MYO3B: variants seen among roughly 807,000 people sequenced by gnomAD.
MYO3B encodes the protein myosin IIIB.
In MYO3B, 156 loss-of-function variants were observed where a neutral mutation model predicts 174.6. That is an observed-to-expected ratio of 0.89 (90% confidence interval 0.78 to 1.02). The LOEUF (loss-of-function observed/expected upper bound fraction) is 1.02, where lower values mean the gene tolerates loss of function less well. Ranked by LOEUF, MYO3B falls within the 50% of genes least tolerant of loss-of-function variation. MYO3B has a pLI of 0.00. For missense variants in MYO3B, 1,632 were observed against 1,639.4 expected (o/e 1.00, Z 0.08); for synonymous variants, 563 against 569.1 (o/e 0.99, Z 0.15).
Position 170,426,745 on chromosome 2 carries a change from C to T in MYO3B, c.2651-17222C>T, listed in dbSNP as rs748229606. Among the ~76,000 whole-genome samples the T allele has an allele frequency of 7.2e-5, 11 of 152,108 alleles. No individual in the cohort carries two copies. The South Asian group carries it at 1.2e-3, about 17-fold the overall frequency. ...GTAGAAATAGATACTTAGGGCCAGG[C>T]GTGGCAGCTCACACCTGTAATCCCA... On this transcript the variant is annotated intron_variant, in intron 22 of 34. Transcript: ENST00000408978.
intron 6 of MYO3B, among the ~76,000 whole-genome samples, chr2:170,226,246 G>T (rs1302792752): frequency 2.0e-5 from 3 of 152,214 alleles, no homozygotes; most frequent in Non-Finnish European, 4.4e-5. Context: ...AGAGTTAAAT[G>T]AGAGGTTTAG....
intron 6 of MYO3B, among the ~76,000 whole-genome samples, chr2:170,229,596 C>A (rs1263621413): frequency 2.0e-5 from 3 of 152,162 alleles, no homozygotes; most frequent in Non-Finnish European, 4.4e-5. Context: ...TACTATAATA[C>A]TATTTGCTTG....
intron 25 of MYO3B, among the ~76,000 whole-genome samples, chr2:170,469,246 T>A (rs770694070): frequency 2.6e-5 from 4 of 152,160 alleles, no homozygotes; most frequent in Non-Finnish European, 5.9e-5. Flanking sequence ...GTATATAACA[T>A]CTGGAAAGTA....
At chr2:170,552,241 A>C (rs1690970748) in intron 32 of MYO3B, among the ~76,000 whole-genome samples, 1 of 152,196 alleles carries the variant, frequency 6.6e-6, no homozygotes, top group South Asian at 2.1e-4. Context: ...GTTTGGAGGG[A>C]TCAGAAGACA....
At chr2:170,569,414 C>G (rs1324694438) in intron 32 of MYO3B, among the ~76,000 whole-genome samples, 1 of 152,070 alleles carries the variant, frequency 6.6e-6, no homozygotes, top group African/African-American at 2.4e-5. Flanking sequence ...CTTCTGGAAT[C>G]TGTGGACCTG....
chr2:170,606,459 A>G (rs1285113867), intron 32 of MYO3B, among the ~76,000 whole-genome samples: 1 of 152,156 alleles, frequency 6.6e-6, no homozygotes, highest in South Asian at 2.1e-4. Flanking sequence ...ATCCACCACC[A>G]TATCCATGAG....
At chr2:170,456,179 T>C (rs1575007320) in intron 23 of MYO3B, among the ~76,000 whole-genome samples, 1 of 151,792 alleles carries the variant, frequency 6.6e-6, no homozygotes, top group African/African-American at 2.4e-5. Context: ...GGTGGGGCGG[T>C]AAATGATTTT....
intron 6 of MYO3B, among the ~76,000 whole-genome samples, chr2:170,225,131 G>C (rs918226989): frequency 6.6e-6 from 1 of 152,250 alleles, no homozygotes; most frequent in Non-Finnish European, 1.5e-5. Flanking sequence ...ATAAGAGCTA[G>C]CGTTTAGCGA....
chr2:170,542,780 A>T, intron 30 of MYO3B, 126 bp from the exon 31 acceptor site: 1 of 719,608 alleles, frequency 1.4e-6, no homozygotes, highest in Non-Finnish European at 2.2e-6. Flanking sequence ...CCAAGGACTG[A>T]AATGGGAAAC....
intron 7 of MYO3B, among the ~76,000 whole-genome samples, chr2:170,240,933 A>C (rs973667985): frequency 2.2e-4 from 34 of 152,336 alleles, no homozygotes; most frequent in African/African-American, 8.2e-4. Context: ...CAAGTTTTTA[A>C]ACTAAAGAAT....
At chr2:170,230,114 A>G (rs931026205) in intron 6 of MYO3B, among the ~76,000 whole-genome samples, 5 of 151,636 alleles carry the variant, frequency 3.3e-5, no homozygotes, top group African/African-American at 1.2e-4. Flanking sequence ...ATTATACTAC[A>G]TGAATAATTA....
At chr2:170,246,492 A>G (rs895221289) in intron 7 of MYO3B, among the ~76,000 whole-genome samples, 10 of 150,874 alleles carry the variant, frequency 6.6e-5, no homozygotes, top group Admixed American at 1.3e-4. Flanking sequence ...ACCCAATGTG[A>G]CTGGTATCCT....
At chr2:170,353,033 G>A (rs1415678224) in intron 8 of MYO3B, among the ~76,000 whole-genome samples, 1 of 152,106 alleles carries the variant, frequency 6.6e-6, no homozygotes, top group African/African-American at 2.4e-5. Context: ...CTTACCGTAG[G>A]GTCTAGCAAT....
chr2:170,198,111 GGT>G (rs1491520593), intron 1 of MYO3B, among the ~76,000 whole-genome samples: 2 of 36,788 alleles, frequency 5.4e-5, no homozygotes, highest in East Asian at 8.2e-4. Flanking sequence ...TTCTCCTTTG[GGT>G]TTTTTTTTTT....
At chr2:170,569,716 G>C (rs905549478) in intron 32 of MYO3B, among the ~76,000 whole-genome samples, 1 of 151,696 alleles carries the variant, frequency 6.6e-6, no homozygotes, top group African/African-American at 2.4e-5. Flanking sequence ...AAAAAAATTA[G>C]CCAGCCATGG....
intron 22 of MYO3B, among the ~76,000 whole-genome samples, chr2:170,423,544 G>A (rs1356673431): frequency 6.6e-6 from 1 of 150,614 alleles, no homozygotes; most frequent in Non-Finnish European, 1.5e-5. Context: ...CAGTGTGTAA[G>A]AGACATTATT....
intron 6 of MYO3B, among the ~76,000 whole-genome samples, chr2:170,230,534 A>G (rs1471834389): frequency 6.6e-6 from 1 of 151,942 alleles, no homozygotes; most frequent in African/African-American, 2.4e-5. Context: ...ACTTCTTGAT[A>G]AAGAATCCCA....
chr2:170,548,619 T>C (rs967434132), intron 32 of MYO3B, among the ~76,000 whole-genome samples: 1 of 152,188 alleles, frequency 6.6e-6, no homozygotes, highest in Admixed American at 6.5e-5. Context: ...AGAAATGAGA[T>C]AGTCTGTGTA....
chr2:170,333,786 C>G (rs1251720495), intron 7 of MYO3B: 2 of 152,168 alleles, frequency 1.3e-5, no homozygotes, highest in Non-Finnish European at 1.5e-5. Context: ...ATTGAGTAAG[C>G]AGCATCTTAA....
Sources: allele counts gnomAD v4.1 joint callset (sites outside exome capture counted in the v4.1 genomes callset), GRCh38; gene constraint gnomAD v4.1.1; transcripts MANE v1.5; gene names NCBI Gene and HGNC (gene_info 2026-07-23, HGNC 2026-07-21).